Variants in DMD observed in about 807,000 individuals in gnomAD.
DMD encodes mutant dystrophin.
DMD carries 63 observed loss-of-function variants against 330.1 expected under a neutral mutation model. The ratio of observed to expected loss-of-function variants is 0.19; its 90% CI spans 0.16 to 0.24. The LOEUF is 0.24. Among genes scored for constraint, DMD ranks in the 10% least tolerant of loss-of-function variants. DMD has a pLI of 1.00. For synonymous variants in DMD, 1,223 were observed against 959.8 expected (o/e 1.27, Z -5.07); for missense variants, 3,344 against 2,684.1 (o/e 1.25, Z -5.43).
rs956840349 is a variant in DMD at position 31,898,166 on chromosome X, T to C, written c.6913-22793A>G. 2.7e-3 allele frequency among the ~76,000 whole-genome samples: 293 copies of C among 110,338 alleles called. 2 individuals are homozygous for C. The highest frequency in any genetic ancestry group is 8.3e-3 in the African/African-American group (252 of 30,271). On this transcript the variant is annotated intron_variant, in intron 47 of 78. Transcript: ENST00000357033. ...ATTCCATGCTCATGGGTAGGAAGAA[T>C]CAATATCGTGAAAATGGTCATACTG...
chrX:31,464,917 C>T (rs181162395), intron 59 of DMD, among the ~76,000 whole-genome samples: 3 of 112,528 alleles, frequency 2.7e-5, no homozygotes, highest in Non-Finnish European at 3.7e-5. Context: ...ACAATTACTC[C>T]GCTCTGCCTT....
intron 1 of DMD, among the ~76,000 whole-genome samples, chrX:33,271,508 T>C (rs755726391): frequency 9.0e-6 from 1 of 111,711 alleles, no homozygotes; most frequent in African/African-American, 3.2e-5. Flanking sequence ...GGCTCATGCC[T>C]GTAATTCCAG....
intron 1 of DMD, among the ~76,000 whole-genome samples, chrX:33,316,366 C>T (rs1438200925): frequency 9.0e-6 from 1 of 111,059 alleles, no homozygotes; most frequent in Non-Finnish European, 1.9e-5. Context: ...AAAGGAAAGG[C>T]AGGAATAAAT....
chrX:31,152,184 C>CTTTTTTTT lies in DMD; in HGVS notation c.10554-4674_10554-4667dup, dbSNP rs1161340463. On this transcript the variant is annotated intron_variant, in intron 74 of 78. Transcript: ENST00000357033. ...ACCCCTTATTTATGCCTTTAAGCAT[C>CTTTTTTTT]TTTTTTTTTTTTTTTGAGATGGAGG... Among the ~76,000 whole-genome samples the CTTTTTTTT allele has an allele frequency of 9.7e-4, 95 of 98,356 alleles. 1 individual carries two copies. Among genetic ancestry groups the CTTTTTTTT allele is most frequent in the Admixed American group, 5.5e-3 (51 of 9,232 alleles). The allele number at this position is 98,356 out of a possible 115,157, so 85.4% of individuals were successfully genotyped here. A position where few individuals can be genotyped will look rare whatever the true frequency, so the allele number is the denominator to read the frequency against.
chrX:31,500,701 T>C (rs1296108045), intron 56 of DMD, among the ~76,000 whole-genome samples: 1 of 112,137 alleles, frequency 8.9e-6, no homozygotes, highest in East Asian at 2.8e-4. Context: ...GGTTATATCA[T>C]ACATAGGCTG....
chrX:32,694,335 C>A (rs1208150266), intron 9 of DMD, among the ~76,000 whole-genome samples: 2 of 111,731 alleles, frequency 1.8e-5, no homozygotes, highest in Non-Finnish European at 3.8e-5. Flanking sequence ...TCTTTACATG[C>A]ATTCATAGCC....
At chrX:32,228,401 G>T (rs1435585902) in intron 43 of DMD, among the ~76,000 whole-genome samples, 1 of 111,334 alleles carries the variant, frequency 9.0e-6, no homozygotes, top group African/African-American at 3.3e-5. Flanking sequence ...GAAAAAATAT[G>T]TAGGATTATG....
chrX:32,973,552 A>G (rs2092453548), intron 2 of DMD, among the ~76,000 whole-genome samples: 1 of 111,964 alleles, frequency 8.9e-6, no homozygotes, highest in African/African-American at 3.2e-5. Context: ...TAAAGCCACC[A>G]TGCTAGGAAG....
intron 12 of DMD, among the ~76,000 whole-genome samples, chrX:32,606,764 T>C (rs2056753515): frequency 9.7e-6 from 1 of 103,549 alleles, no homozygotes; most frequent in Non-Finnish European, 2.0e-5. Context: ...TACATATATA[T>C]ACACACATAT....
At chrX:32,506,255 G>T (rs1394567820) in intron 18 of DMD, among the ~76,000 whole-genome samples, 1 of 110,467 alleles carries the variant, frequency 9.1e-6, no homozygotes, top group Non-Finnish European at 1.9e-5. Context: ...TGACAGTGGG[G>T]CAGGCTATGT....
intron 17 of DMD, among the ~76,000 whole-genome samples, chrX:32,525,187 G>T (rs141882380): frequency 2.9e-3 from 320 of 111,520 alleles, no homozygotes; most frequent in African/African-American, 9.1e-3. Flanking sequence ...CTTCCATTTG[G>T]ACTTCTTCCT....
chrX:32,375,691 T>G (rs2097899699), intron 34 of DMD, among the ~76,000 whole-genome samples: 1 of 111,724 alleles, frequency 9.0e-6, no homozygotes, highest in Non-Finnish European at 1.9e-5. Flanking sequence ...CTGTATTCAG[T>G]TTATATTAAT....
chrX:31,148,367 TC>T (rs774994637), intron 74 of DMD, among the ~76,000 whole-genome samples: 1 of 112,553 alleles, frequency 8.9e-6, no homozygotes, highest in Non-Finnish European at 1.9e-5. Context: ...TGGAGATTTC[TC>T]CAGGTCGATA....
intron 2 of DMD, among the ~76,000 whole-genome samples, chrX:32,901,317 C>A (rs1350962205): frequency 1.8e-5 from 2 of 111,333 alleles, no homozygotes; most frequent in Non-Finnish European, 3.8e-5. Context: ...AAAAGATGAA[C>A]AAGTGTACAG....
chrX:32,431,990 G>A (rs1278875328), intron 29 of DMD, among the ~76,000 whole-genome samples: 2 of 111,389 alleles, frequency 1.8e-5, no homozygotes, highest in Admixed American at 1.9e-4. Context: ...CTAATGCTAG[G>A]ACGCTCCTAA....
chrX:32,356,158 C>T (rs12007403), intron 37 of DMD, among the ~76,000 whole-genome samples: 22,186 of 108,684 alleles, frequency 0.2, 2,323 homozygotes, highest in African/African-American at 0.39. Flanking sequence ...TTATTTCCCA[C>T]CGAAGTTTAG....
chrX:31,328,220 G>C (rs2056899738), intron 61 of DMD, among the ~76,000 whole-genome samples: 2 of 111,778 alleles, frequency 1.8e-5, no homozygotes, highest in South Asian at 7.5e-4. Flanking sequence ...ACATATTTTA[G>C]TTACTTTTTT....
At chrX:31,816,822 A>ACACACACACACACACACAC (rs1193495862) in intron 50 of DMD, among the ~76,000 whole-genome samples, 1 of 110,071 alleles carries the variant, frequency 9.1e-6, no homozygotes, top group African/African-American at 3.3e-5. Flanking sequence ...ACACACACAC[A>ACACACACACACACACACAC]AAGAAAAAAG....
chrX:33,031,436 C>A (rs759520237), intron 1 of DMD, among the ~76,000 whole-genome samples: 1 of 111,082 alleles, frequency 9.0e-6, no homozygotes, highest in South Asian at 3.8e-4. Context: ...GAATTTGGGC[C>A]CACATTTCTT....
Sources: allele counts gnomAD v4.1 joint callset (sites outside exome capture counted in the v4.1 genomes callset), GRCh38; gene constraint gnomAD v4.1.1; transcripts MANE v1.5; gene names NCBI Gene and HGNC (gene_info 2026-07-23, HGNC 2026-07-21).